The following EXOC6B variants were observed in gnomAD, a reference collection of about 807,000 sequenced individuals.
EXOC6B encodes the protein exocyst complex component 6B, also known as SEC15 homolog B.
EXOC6B carries 54 observed loss-of-function variants against 113.5 expected under a neutral mutation model. The observed-to-expected ratio is 0.48, with a 90% confidence interval of 0.38 to 0.60. The LOEUF is 0.60. Ranked by LOEUF, EXOC6B falls within the 20% of genes least tolerant of loss-of-function variation. The pLI is 0.00. For synonymous variants in EXOC6B, 357 were observed against 339.0 expected (o/e 1.05, Z -0.58); for missense variants, 797 against 977.5 (o/e 0.82, Z 2.46).
At chr2:72,469,713 T>C (rs1446422824) in intron 17 of EXOC6B, among the ~76,000 whole-genome samples, 1 of 152,074 alleles carries the variant, frequency 6.6e-6, no homozygotes, top group Admixed American at 6.6e-5. Context: ...GAATATTTTG[T>C]ATAAGTTGTT....
At chr2:72,451,845 G>A (rs1696940254) in intron 18 of EXOC6B, among the ~76,000 whole-genome samples, 1 of 152,094 alleles carries the variant, frequency 6.6e-6, no homozygotes. Flanking sequence ...AACATTGTGT[G>A]TTATTTGTTT....
chr2:72,211,427 A>G (rs979498425), intron 20 of EXOC6B, among the ~76,000 whole-genome samples: 4 of 152,194 alleles, frequency 2.6e-5, no homozygotes, highest in Admixed American at 2.6e-4. Context: ...GAAGTCTGGT[A>G]TAAGCTCAGG....
At chr2:72,816,907 G>C (rs967195486) in intron 1 of EXOC6B, among the ~76,000 whole-genome samples, 3 of 152,130 alleles carry the variant, frequency 2.0e-5, no homozygotes, top group African/African-American at 7.2e-5. Flanking sequence ...ATCAAACACA[G>C]AGCCCATTGC....
chr2:72,744,202 CACA>C (rs1168115249), intron 1 of EXOC6B, among the ~76,000 whole-genome samples: 2 of 152,240 alleles, frequency 1.3e-5, no homozygotes, highest in East Asian at 3.9e-4. Flanking sequence ...ATGATGTTCA[CACA>C]ACAACAAAAT....
intron 20 of EXOC6B, among the ~76,000 whole-genome samples, chr2:72,301,845 C>A (rs927546178): frequency 7.9e-5 from 12 of 151,996 alleles, no homozygotes; most frequent in African/African-American, 2.9e-4. Flanking sequence ...TCCTTCAGTT[C>A]AGCTCTGATT....
At chr2:72,547,230 TC>T (rs1234151572) in intron 8 of EXOC6B, among the ~76,000 whole-genome samples, 1 of 152,212 alleles carries the variant, frequency 6.6e-6, no homozygotes, top group Non-Finnish European at 1.5e-5. Context: ...TTTTATAGTC[TC>T]CTGTAGTGAA....
At chr2:72,579,277 T>TA (rs1482157114) in intron 6 of EXOC6B, among the ~76,000 whole-genome samples, 4 of 151,914 alleles carry the variant, frequency 2.6e-5, no homozygotes, top group Non-Finnish European at 4.4e-5. Flanking sequence ...GAATGCAGGA[T>TA]AAAAAAAGAT....
intron 20 of EXOC6B, among the ~76,000 whole-genome samples, chr2:72,264,292 C>G (rs1683912818): frequency 6.6e-6 from 1 of 152,118 alleles, no homozygotes; most frequent in African/African-American, 2.4e-5. Flanking sequence ...ACCTTGAGGC[C>G]AGGCGCAGTG....
chr2:72,477,732 G>C (rs1437835611), intron 17 of EXOC6B, among the ~76,000 whole-genome samples: 1 of 152,168 alleles, frequency 6.6e-6, no homozygotes, highest in East Asian at 1.9e-4. Context: ...TACCATTAGT[G>C]ATAGATACAT....
intron 19 of EXOC6B, among the ~76,000 whole-genome samples, chr2:72,370,123 G>A (rs948601219): frequency 1.3e-5 from 2 of 152,100 alleles, no homozygotes; most frequent in African/African-American, 4.8e-5. Flanking sequence ...CTGACAAAGG[G>A]CTAATATCCA....
At chr2:72,476,305 C>T (rs1182467619) in intron 17 of EXOC6B, among the ~76,000 whole-genome samples, 3 of 152,164 alleles carry the variant, frequency 2.0e-5, no homozygotes, top group Admixed American at 1.3e-4. Context: ...TAATTTCCTT[C>T]CCCTTCCTTG....
chr2:72,678,181 T>C (rs1256290991), intron 6 of EXOC6B, among the ~76,000 whole-genome samples: 2 of 152,236 alleles, frequency 1.3e-5, no homozygotes, highest in Non-Finnish European at 2.9e-5. Flanking sequence ...TTATCTTCAC[T>C]TGAAATTTCA....
At chr2:72,503,585 C>A (rs1700442686) in intron 11 of EXOC6B, among the ~76,000 whole-genome samples, 1 of 152,106 alleles carries the variant, frequency 6.6e-6, no homozygotes. Flanking sequence ...CAGTTTGTTT[C>A]TCCATTCACC....
At chr2:72,235,706 C>G (rs1450771626) in intron 20 of EXOC6B, among the ~76,000 whole-genome samples, 2 of 152,010 alleles carry the variant, frequency 1.3e-5, no homozygotes, top group African/African-American at 2.4e-5. Context: ...TCAGCCACAG[C>G]CCTTTGAATA....
intron 19 of EXOC6B, among the ~76,000 whole-genome samples, chr2:72,347,142 G>T (rs1689381959): frequency 6.6e-6 from 1 of 151,746 alleles, no homozygotes; most frequent in African/African-American, 2.4e-5. Context: ...TTCCTCCAAG[G>T]TTCCCAAATG....
chr2:72,751,475 A>C (rs1162241096), intron 1 of EXOC6B, among the ~76,000 whole-genome samples: 2 of 152,044 alleles, frequency 1.3e-5, no homozygotes, highest in African/African-American at 4.8e-5. Context: ...GAGAGAATAG[A>C]CTGTAAATGT....
At chr2:72,231,756 T>C (rs1264252180) in intron 20 of EXOC6B, among the ~76,000 whole-genome samples, 2 of 152,136 alleles carry the variant, frequency 1.3e-5, no homozygotes, top group Non-Finnish European at 2.9e-5. Context: ...CAATCAAAAA[T>C]GCAAATCAAA....
intron 18 of EXOC6B, among the ~76,000 whole-genome samples, chr2:72,427,643 T>C (rs1695279089): frequency 6.6e-6 from 1 of 152,162 alleles, no homozygotes; most frequent in East Asian, 1.9e-4. Context: ...AGCACTGGCT[T>C]GCAGGTGACC....
chr2:72,458,904 A>G (rs1057121861), intron 18 of EXOC6B, among the ~76,000 whole-genome samples: 1 of 152,126 alleles, frequency 6.6e-6, no homozygotes, highest in Non-Finnish European at 1.5e-5. Flanking sequence ...TAAAAAATAT[A>G]AATTAGTAAT....
Sources: gnomAD v4.1 joint callset for allele counts (sites outside exome capture counted in the v4.1 genomes callset) on GRCh38, gnomAD v4.1.1 for gene constraint, MANE v1.5 for transcripts, NCBI Gene and HGNC (gene_info 2026-07-23, HGNC 2026-07-21) for gene names.